ADAM22: variants seen among roughly 807,000 people sequenced by gnomAD.
ADAM22 encodes disintegrin and metalloproteinase domain-containing protein 22.
Under a neutral mutation model 144.6 loss-of-function variants are expected in ADAM22, and 65 were observed. The ratio of observed to expected loss-of-function variants is 0.45; its 90% CI spans 0.37 to 0.55. The LOEUF (loss-of-function observed/expected upper bound fraction) is 0.55, where lower values mean the gene tolerates loss of function less well. ADAM22 is among the 20% of genes least tolerant of loss of function. ADAM22 has a pLI of 0.00. For synonymous variants in ADAM22, 391 were observed against 412.6 expected, an observed-to-expected ratio of 0.95 and a Z score of 0.63; for missense variants, 974 against 1,184.9, an observed-to-expected ratio of 0.82 and a Z score of 2.61.
At chr7:88,134,936 A>G (rs1430295081) in intron 13 of ADAM22, among the ~76,000 whole-genome samples, 1 of 152,114 alleles carries the variant, frequency 6.6e-6, no homozygotes, top group Non-Finnish European at 1.5e-5. Flanking sequence ...ATGGTCAAAT[A>G]CTATGTATTT....
At chr7:88,186,367 CCA>C in intron 29 of ADAM22, 1 of 458,344 alleles carries the variant, frequency 2.2e-6, no homozygotes, top group South Asian at 2.6e-5. Context: ...CTTTGGGAAG[CCA>C]CTGGAAAAGG....
chr7:88,055,028 C>A (rs1183815316), intron 3 of ADAM22, among the ~76,000 whole-genome samples: 2 of 152,018 alleles, frequency 1.3e-5, no homozygotes, highest in African/African-American at 4.8e-5. Flanking sequence ...CAAATCAATA[C>A]CCCAGTATTA....
At chr7:88,043,707 TAAAA>T (rs956695763) in intron 3 of ADAM22, among the ~76,000 whole-genome samples, 1 of 150,016 alleles carries the variant, frequency 6.7e-6, no homozygotes, top group Admixed American at 6.6e-5. Context: ...CTCCATCTCT[TAAAA>T]AAAAAGAGAA....
intron 4 of ADAM22, among the ~76,000 whole-genome samples, chr7:88,101,911 T>C (rs188742534): frequency 1.3e-5 from 2 of 152,284 alleles, no homozygotes; most frequent in East Asian, 1.9e-4. Flanking sequence ...AGGAAGTCTA[T>C]AGGGAGGCTT....
At chr7:88,113,712 A>ATG (rs1450431363) in intron 5 of ADAM22, among the ~76,000 whole-genome samples, 5 of 106,236 alleles carry the variant, frequency 4.7e-5, no homozygotes, top group African/African-American at 1.6e-4. Flanking sequence ...AAATATATAT[A>ATG]TATATATATA....
At chr7:87,979,052 G>A (rs1453473861) in intron 3 of ADAM22, among the ~76,000 whole-genome samples, 4 of 152,122 alleles carry the variant, frequency 2.6e-5, no homozygotes, top group African/African-American at 9.7e-5. Flanking sequence ...TTAAAAAAGG[G>A]TTTCTATCCT....
intron 2 of ADAM22, among the ~76,000 whole-genome samples, chr7:87,958,952 A>G (rs1847435165): frequency 6.6e-6 from 1 of 151,958 alleles, no homozygotes; most frequent in Non-Finnish European, 1.5e-5. Context: ...TTTCATTCTC[A>G]TGGTATCTTT....
At chr7:88,146,133 G>T (rs1373966428) in intron 17 of ADAM22, among the ~76,000 whole-genome samples, 1 of 152,088 alleles carries the variant, frequency 6.6e-6, no homozygotes, top group Non-Finnish European at 1.5e-5. Context: ...TTCCCCTAAA[G>T]AAATCTAATT....
intron 2 of ADAM22, among the ~76,000 whole-genome samples, chr7:87,966,112 T>A (rs2129446163): frequency 6.6e-6 from 1 of 152,338 alleles, no homozygotes; most frequent in East Asian, 1.9e-4. Context: ...ATGAAAGTTT[T>A]CCTAACTCTA....
chr7:87,982,670 C>CATATATATAT (rs3086405), intron 3 of ADAM22, among the ~76,000 whole-genome samples: 2,046 of 38,010 alleles, frequency 0.054, 155 homozygotes, highest in East Asian at 0.11. Context: ...TCAGTTATTA[C>CATATATATAT]ATATATATAT....
intron 30 of ADAM22, among the ~76,000 whole-genome samples, chr7:88,190,588 A>G (rs142195362): frequency 7.2e-5 from 11 of 152,272 alleles, no homozygotes; most frequent in East Asian, 5.8e-4. Flanking sequence ...CTTGTATCCA[A>G]TGATGCACTT....
intron 2 of ADAM22, among the ~76,000 whole-genome samples, chr7:87,958,312 C>T (rs561166383): frequency 3.5e-4 from 53 of 152,154 alleles, no homozygotes; most frequent in Admixed American, 2.3e-3. Flanking sequence ...GCACTGTATG[C>T]GAATTTATGT....
intron 18 of ADAM22, among the ~76,000 whole-genome samples, chr7:88,149,937 A>G (rs1837824695): frequency 6.6e-6 from 1 of 152,168 alleles, no homozygotes; most frequent in Non-Finnish European, 1.5e-5. Context: ...TTGAACTGTC[A>G]CACCCTTTTC....
At chr7:88,045,030 T>C (rs1479388953) in intron 3 of ADAM22, among the ~76,000 whole-genome samples, 1 of 150,244 alleles carries the variant, frequency 6.7e-6, no homozygotes, top group African/African-American at 2.5e-5. Context: ...CGGCCTTTTT[T>C]TCTTGAGACA....
intron 11 of ADAM22, chr7:88,132,258 A>G (rs956859253): frequency 5.9e-5 from 9 of 152,082 alleles, no homozygotes; most frequent in African/African-American, 2.2e-4. Context: ...ATTCTCTTAT[A>G]TAACCACAGT....
At chr7:88,068,948 T>C (rs1811993729) in intron 3 of ADAM22, among the ~76,000 whole-genome samples, 1 of 152,158 alleles carries the variant, frequency 6.6e-6, no homozygotes, top group Non-Finnish European at 1.5e-5. Flanking sequence ...AAATATCATG[T>C]TGAAATTTAA....
At chr7:88,172,431 A>G (rs1315436636) in intron 26 of ADAM22, among the ~76,000 whole-genome samples, 3 of 151,874 alleles carry the variant, frequency 2.0e-5, no homozygotes. Context: ...TTCTATACTC[A>G]TGGTATTTAT....
At chr7:87,978,235 C>T (rs1852381303) in intron 2 of ADAM22, 101 bp from the exon 3 acceptor site, 1 of 901,426 alleles carries the variant, frequency 1.1e-6, no homozygotes, top group African/African-American at 1.7e-5. Context: ...GAATTATTTT[C>T]TTATGATATT....
chr7:88,166,422 T>C (rs900430873), intron 24 of ADAM22, among the ~76,000 whole-genome samples: 2 of 152,150 alleles, frequency 1.3e-5, no homozygotes, highest in Non-Finnish European at 2.9e-5. Context: ...CCAAGGTTCC[T>C]GGTGGGGCTT....
Sources: gnomAD v4.1 joint callset for allele counts (sites outside exome capture counted in the v4.1 genomes callset) on GRCh38, gnomAD v4.1.1 for gene constraint, MANE v1.5 for transcripts, NCBI Gene and HGNC (gene_info 2026-07-23, HGNC 2026-07-21) for gene names.